Variants in LRP1B observed in about 807,000 individuals in gnomAD.
The protein encoded by LRP1B is LDL receptor related protein 1B.
A neutral mutation model predicts 556.6 loss-of-function variants in LRP1B; 217 were observed. The observed-to-expected ratio is 0.39, with a 90% CI of 0.35 to 0.44. LRP1B has a LOEUF of 0.44. Ranked by LOEUF, LRP1B falls within the 20% of genes least tolerant of loss-of-function variation. LRP1B has a pLI of 1.00. For missense variants in LRP1B, 5,053 were observed against 5,620.8 expected (o/e 0.90, Z 3.23); for synonymous variants, 2,047 against 1,865.8 (o/e 1.10, Z -2.50).
At chr2:141,454,361 T>C (rs1681549293) in intron 3 of LRP1B, among the ~76,000 whole-genome samples, 1 of 152,146 alleles carries the variant, frequency 6.6e-6, no homozygotes. Context: ...AGTGAAAGTA[T>C]ACTTATCAGG....
intron 83 of LRP1B, among the ~76,000 whole-genome samples, chr2:140,306,832 G>A (rs1234816368): frequency 2.0e-5 from 3 of 151,914 alleles, no homozygotes; most frequent in Non-Finnish European, 4.4e-5. Context: ...CTTTAAATGC[G>A]TCCCAGAGAT....
intron 88 of LRP1B, 147 bp downstream of exon 88, chr2:140,239,295 G>A (rs923797354): frequency 6.0e-6 from 3 of 496,638 alleles, no homozygotes; most frequent in African/African-American, 4.0e-5. Flanking sequence ...TCACTTAAAA[G>A]AGAGGTATAA....
chr2:141,523,729 T>C (rs181431259), intron 2 of LRP1B, among the ~76,000 whole-genome samples: 56 of 152,164 alleles, frequency 3.7e-4, no homozygotes, highest in African/African-American at 1.3e-3. Flanking sequence ...GTTTTATACA[T>C]TTTAGTGGCT....
At chr2:140,864,524 T>C (rs1692891814) in intron 27 of LRP1B, among the ~76,000 whole-genome samples, 1 of 152,054 alleles carries the variant, frequency 6.6e-6, no homozygotes, top group South Asian at 2.1e-4. Context: ...TAAGTGCACA[T>C]TTATATTACA....
intron 2 of LRP1B, among the ~76,000 whole-genome samples, chr2:141,601,868 C>T (rs1382523085): frequency 6.6e-6 from 1 of 152,038 alleles, no homozygotes; most frequent in Non-Finnish European, 1.5e-5. Context: ...TCCCAGAGTG[C>T]TGGGATTATG....
intron 6 of LRP1B, among the ~76,000 whole-genome samples, chr2:141,222,267 G>A (rs1336516572): frequency 6.6e-6 from 1 of 152,168 alleles, no homozygotes; most frequent in Non-Finnish European, 1.5e-5. Context: ...ACACCTCTAT[G>A]CAATAAACTA....
chr2:141,088,273 C>T (rs1256768483), intron 7 of LRP1B, among the ~76,000 whole-genome samples: 1 of 152,038 alleles, frequency 6.6e-6, no homozygotes, highest in East Asian at 1.9e-4. Context: ...AGCATTATTT[C>T]CTAAAGAAGA....
intron 2 of LRP1B, among the ~76,000 whole-genome samples, chr2:141,776,935 GGTTCT>G (rs1695098117): frequency 6.6e-6 from 1 of 151,968 alleles, no homozygotes; most frequent in Non-Finnish European, 1.5e-5. Context: ...GATTATTTGG[GGTTCT>G]GTTAAGAATC....
intron 27 of LRP1B, among the ~76,000 whole-genome samples, chr2:140,853,391 A>G (rs1293595501): frequency 1.3e-5 from 2 of 152,026 alleles, no homozygotes; most frequent in South Asian, 2.1e-4. Context: ...GAAGGCTCCT[A>G]TGTCATATAA....
chr2:140,696,510 T>C (rs1189990609), intron 41 of LRP1B, among the ~76,000 whole-genome samples: 1 of 152,190 alleles, frequency 6.6e-6, no homozygotes, highest in Non-Finnish European at 1.5e-5. Context: ...CTCTAATTCA[T>C]ATGCTAAAAA....
chr2:141,746,869 C>A (rs548139106), intron 2 of LRP1B, among the ~76,000 whole-genome samples: 1 of 152,006 alleles, frequency 6.6e-6, no homozygotes, highest in Non-Finnish European at 1.5e-5. Flanking sequence ...AAGGTGTGGC[C>A]GCTAAAATAC....
chr2:141,665,939 C>G (rs956111338), intron 2 of LRP1B, among the ~76,000 whole-genome samples: 68 of 151,788 alleles, frequency 4.5e-4, no homozygotes, highest in African/African-American at 1.6e-3. Flanking sequence ...GGGAGGGGAA[C>G]AACACACATG....
At chr2:140,266,729 T>C (rs1682219507) in intron 86 of LRP1B, among the ~76,000 whole-genome samples, 1 of 152,082 alleles carries the variant, frequency 6.6e-6, no homozygotes, top group Non-Finnish European at 1.5e-5. Context: ...CTAAAAATAC[T>C]GTGAACATGT....
At chr2:141,822,128 C>CAGAGAG (rs1364248949) in intron 1 of LRP1B, among the ~76,000 whole-genome samples, 94 of 117,162 alleles carry the variant, frequency 8.0e-4, no homozygotes, top group Middle Eastern at 4.9e-3. Context: ...CACACACACA[C>CAGAGAG]ACAGAGAGAG....
At chr2:140,410,309 T>G (rs1237051299) in intron 66 of LRP1B, among the ~76,000 whole-genome samples, 1 of 152,152 alleles carries the variant, frequency 6.6e-6, no homozygotes, top group Non-Finnish European at 1.5e-5. Flanking sequence ...AGCCTTTATC[T>G]TATCATTTCC....
intron 7 of LRP1B, among the ~76,000 whole-genome samples, chr2:141,156,156 G>T (rs1470264358): frequency 6.6e-6 from 1 of 152,098 alleles, no homozygotes. Context: ...TAGAAAAAGG[G>T]TAAACACATA....
intron 3 of LRP1B, among the ~76,000 whole-genome samples, chr2:141,449,953 C>T (rs1195647266): frequency 6.6e-6 from 1 of 152,166 alleles, no homozygotes; most frequent in Admixed American, 6.5e-5. Context: ...ATATGACAAT[C>T]AAAAATATCT....
intron 80 of LRP1B, among the ~76,000 whole-genome samples, chr2:140,325,212 T>TA (rs769319880): frequency 6.6e-6 from 1 of 151,670 alleles, no homozygotes; most frequent in Non-Finnish European, 1.5e-5. Flanking sequence ...TATGAGACAG[T>TA]AAAAAATAGG....
intron 3 of LRP1B, among the ~76,000 whole-genome samples, chr2:141,428,880 G>A (rs934872947): frequency 3.3e-5 from 5 of 152,008 alleles, no homozygotes; most frequent in African/African-American, 1.2e-4. Context: ...ACTCATATAC[G>A]AATACCTGCC....
Sources: allele counts gnomAD v4.1 joint callset (sites outside exome capture counted in the v4.1 genomes callset), GRCh38; gene constraint gnomAD v4.1.1; transcripts MANE v1.5; gene names NCBI Gene and HGNC (gene_info 2026-07-23, HGNC 2026-07-21).